Variants in ETS1 observed in about 807,000 individuals in gnomAD.
ETS1 encodes the protein ETS proto-oncogene 1, transcription factor, also known as protein C-ets-1.
In ETS1, 15 loss-of-function variants were observed where a neutral mutation model predicts 58.6. The ratio of observed to expected loss-of-function variants is 0.26; its 90% CI spans 0.17 to 0.39. The LOEUF (loss-of-function observed/expected upper bound fraction) is 0.39, where lower values mean the gene tolerates loss of function less well. Ranked by LOEUF, ETS1 falls within the 10% of genes least tolerant of loss-of-function variation. ETS1 has a pLI of 1.00. For synonymous variants in ETS1, 214 were observed against 218.2 expected (o/e 0.98, Z 0.17); for missense variants, 417 against 610.5 (o/e 0.68, Z 3.34).
intron 3 of ETS1, among the ~76,000 whole-genome samples, chr11:128,495,509 T>C (rs1264360038): frequency 6.6e-6 from 1 of 152,176 alleles, no homozygotes; most frequent in Non-Finnish European, 1.5e-5. Context: ...ATGAAGCAAA[T>C]GAGTTAAGTG....
chr11:128,502,741 A>G (rs2135484192), intron 3 of ETS1, among the ~76,000 whole-genome samples: 1 of 152,266 alleles, frequency 6.6e-6, no homozygotes, highest in South Asian at 2.1e-4. Flanking sequence ...TGTTACTTGT[A>G]TCCTTAATCC....
chr11:128,584,691 G>A (rs1864938521), intron 1 of ETS1, among the ~76,000 whole-genome samples: 1 of 152,112 alleles, frequency 6.6e-6, no homozygotes, highest in African/African-American at 2.4e-5. Context: ...GGATAAAGGA[G>A]ATGAGGAAGC....
intron 3 of ETS1, among the ~76,000 whole-genome samples, chr11:128,508,921 G>A (rs536288699): frequency 3.3e-5 from 5 of 152,256 alleles, no homozygotes; most frequent in African/African-American, 9.6e-5. Flanking sequence ...CAAGGCAGTC[G>A]GGGGCAACTG....
intron 3 of ETS1, among the ~76,000 whole-genome samples, chr11:128,530,669 G>A (rs1197607025): frequency 6.6e-6 from 1 of 152,136 alleles, no homozygotes; most frequent in Non-Finnish European, 1.5e-5. Context: ...GGTGGGAGGA[G>A]GTGCAGCTGG....
chr11:128,544,411 T>G (rs989162310), intron 3 of ETS1, among the ~76,000 whole-genome samples: 1 of 146,780 alleles, frequency 6.8e-6, no homozygotes, highest in Non-Finnish European at 1.5e-5. Context: ...GGCTGAGAGA[T>G]GCAGGCAGCC....
At chr11:128,531,473 T>C (rs1010630278) in intron 3 of ETS1, among the ~76,000 whole-genome samples, 20 of 152,236 alleles carry the variant, frequency 1.3e-4, no homozygotes, top group Admixed American at 4.6e-4. Context: ...GTATATAGTA[T>C]TCTTATGAAG....
chr11:128,510,256 T>A (rs1025803019), intron 3 of ETS1, among the ~76,000 whole-genome samples: 1 of 152,224 alleles, frequency 6.6e-6, no homozygotes, highest in African/African-American at 2.4e-5. Context: ...ACTTTCTAAA[T>A]GTGAACTCAT....
chr11:128,458,900 G>A lies in ETS1; in HGVS notation c.*3461C>T, dbSNP rs139746415. 103 of 152,328 alleles carry A rather than the reference G, an allele frequency of 6.8e-4. 1 individual carries two copies. Among genetic ancestry groups the A allele is most frequent in the East Asian group, 1.3e-3 (7 of 5,306 alleles). 9.4% of individuals were successfully genotyped at this position (152,328 alleles called of 1,614,324 possible). ...CTAAAATAAACAAACAAAAAACTCC[G>A]CCATAAGAATTTTTTTGCATTTTTT... is the stretch of plus-strand genomic sequence containing the variant. On this transcript the variant is annotated 3_prime_UTR_variant, in exon 10 of 10. Transcript: ENST00000392668. The surrounding 1 kb of genome is among the most constrained non-coding windows in gnomAD (Gnocchi z 4.3).
At position 128,522,043 on chromosome 11, in the gene ETS1, T is replaced by C. The variant is rs375155547; in HGVS notation, c.215-31467A>G. On this transcript the variant is annotated intron_variant, in intron 3 of 9. Coordinates refer to ENST00000392668, the MANE Select transcript of ETS1 (RefSeq NM_001143820.2). ...GGGATGGTAGCAAGTTTGCAGTTAC[T>C]GTTGTTTTTCTTTTTAATGAGGATT... 2.6e-6 allele frequency: 4 copies of C among 1,526,896 alleles called. No individual in the cohort carries two copies. In the African/African-American group the frequency reaches 4.2e-5, roughly 16 times the overall value. 94.6% of individuals were successfully genotyped at this position (1,526,896 alleles called of 1,614,324 possible). A position where few individuals can be genotyped will look rare whatever the true frequency, so the allele number is the denominator to read the frequency against.
intron 8 of ETS1, among the ~76,000 whole-genome samples, chr11:128,472,940 T>C (rs150042114): frequency 2.5e-3 from 374 of 152,198 alleles, no homozygotes; most frequent in African/African-American, 8.8e-3. Context: ...ACTAACACAG[T>C]ATTTTGAATA....
At chr11:128,559,752 CAA>C (rs1387152024) in intron 2 of ETS1, among the ~76,000 whole-genome samples, 1 of 152,142 alleles carries the variant, frequency 6.6e-6, no homozygotes, top group African/African-American at 2.4e-5. Flanking sequence ...TATTTTTACT[CAA>C]GAGAACAACA....
intron 2 of ETS1, among the ~76,000 whole-genome samples, chr11:128,563,784 C>T (rs1209110182): frequency 6.6e-6 from 1 of 152,182 alleles, no homozygotes; most frequent in Non-Finnish European, 1.5e-5. Flanking sequence ...ACCATCTGCC[C>T]CACATTTCAG....
intron 1 of ETS1, among the ~76,000 whole-genome samples, chr11:128,581,053 G>A (rs1864861037): frequency 6.6e-6 from 1 of 152,112 alleles, no homozygotes; most frequent in Admixed American, 6.6e-5. Flanking sequence ...AAGACTAGAA[G>A]ATGTTTTACT....
intron 3 of ETS1, among the ~76,000 whole-genome samples, chr11:128,516,234 A>G (rs947881231): frequency 6.6e-6 from 1 of 152,238 alleles, no homozygotes; most frequent in East Asian, 1.9e-4. Context: ...CATCAACCCG[A>G]CAGAAAAAAT....
At chr11:128,557,554 A>G (rs956002477) in intron 2 of ETS1, among the ~76,000 whole-genome samples, 4 of 152,242 alleles carry the variant, frequency 2.6e-5, no homozygotes, top group Non-Finnish European at 5.9e-5. Context: ...ATTCCTGGAA[A>G]TGGCCACATA....
intron 3 of ETS1, among the ~76,000 whole-genome samples, chr11:128,543,638 C>T (rs1391461544): frequency 1.3e-5 from 2 of 152,194 alleles, no homozygotes; most frequent in Non-Finnish European, 2.9e-5. Flanking sequence ...CAACGTCTCT[C>T]CTTTCACATC....
rs1255019749 is a variant in ETS1 at position 128,464,800 on chromosome 11, C to T, written c.1124-1173G>A. ...CCTCTCAATCTAAAAAAGAAATTGC[C>T]TTCATAATCCATAAGGGTAATGTCT... On this transcript the variant is annotated intron_variant, in intron 8 of 9. Coordinates refer to ENST00000392668, the MANE Select transcript of ETS1 (RefSeq NM_001143820.2). This position sits in a 1 kb window ranked among gnomAD's most constrained non-coding sequence, Gnocchi z 4.1. 6.6e-6 allele frequency among the ~76,000 whole-genome samples: 1 copy of T among 152,178 alleles called. No homozygotes were observed. The highest frequency in any genetic ancestry group is 1.5e-5 in the Non-Finnish European group (1 of 68,040).
intron 1 of ETS1, among the ~76,000 whole-genome samples, chr11:128,585,073 AAAG>A (rs1864970921): frequency 1.5e-4 from 4 of 27,000 alleles, no homozygotes; most frequent in South Asian, 6.7e-4. Context: ...AGAAAGAAAG[AAAG>A]AGAAAGAAAG....
At chr11:128,512,519 G>T (rs554961319) in intron 3 of ETS1, among the ~76,000 whole-genome samples, 36 of 152,298 alleles carry the variant, frequency 2.4e-4, no homozygotes, top group African/African-American at 8.2e-4. Flanking sequence ...CCCCATGTGC[G>T]GGCACCGCTC....
Sources: gnomAD v4.1 joint callset for allele counts (sites outside exome capture counted in the v4.1 genomes callset) on GRCh38, gnomAD v4.1.1 for gene constraint, Gnocchi (gnomAD v3.1) non-coding constraint, MANE v1.5 for transcripts, NCBI Gene and HGNC (gene_info 2026-07-23, HGNC 2026-07-21) for gene names.